The following TBC1D12 variants were observed in gnomAD, a reference collection of about 807,000 sequenced individuals.
TBC1D12 encodes the protein TBC1 domain family, member 12.
In TBC1D12, 56 loss-of-function variants were observed where a neutral mutation model predicts 86.7. That is an observed-to-expected ratio of 0.65 (90% CI 0.52 to 0.81). The LOEUF is 0.81. TBC1D12 is among the 30% of genes least tolerant of loss of function. TBC1D12 has a pLI of 0.00. For synonymous variants in TBC1D12, 421 were observed against 411.7 expected (o/e 1.02, Z -0.27); for missense variants, 1,023 against 1,038.8 (o/e 0.98, Z 0.21).
At chr10:94,508,683 CTTA>C (rs1467799543) in intron 7 of TBC1D12, 1 of 152,060 alleles carries the variant, frequency 6.6e-6, no homozygotes, top group East Asian at 1.9e-4. Flanking sequence ...ATCTTTTCCT[CTTA>C]TTTTCTTTTT....
intron 1 of TBC1D12, among the ~76,000 whole-genome samples, chr10:94,421,364 A>C: frequency 6.6e-6 from 1 of 152,210 alleles, no homozygotes; most frequent in East Asian, 1.9e-4. Context: ...AGAATTTCCT[A>C]ATTTAAAAAT....
intron 5 of TBC1D12, 23 bp from the exon 6 acceptor site, chr10:94,500,198 T>A (rs2056376559): frequency 6.2e-7 from 1 of 1,605,528 alleles, no homozygotes; most frequent in African/African-American, 1.3e-5. Flanking sequence ...ACTTTCTCCT[T>A]TTTTCTCCTC....
chr10:94,470,008 T>C (rs116205510), intron 2 of TBC1D12, among the ~76,000 whole-genome samples: 1,850 of 152,346 alleles, frequency 0.012, 42 homozygotes, highest in African/African-American at 0.042. Context: ...GGGAGTCTAC[T>C]CTATGTCTCT....
intron 7 of TBC1D12, chr10:94,508,599 A>G (rs754725124): frequency 3.9e-5 from 6 of 152,060 alleles, no homozygotes; most frequent in Non-Finnish European, 5.9e-5. Context: ...TAATTGTAGA[A>G]TGTTCACTTG....
intron 6 of TBC1D12, among the ~76,000 whole-genome samples, chr10:94,502,949 T>A (rs1213531410): frequency 2.0e-5 from 3 of 152,230 alleles, no homozygotes; most frequent in Non-Finnish European, 4.4e-5. Context: ...GTGTATATTC[T>A]TTCTGGTCTT....
chr10:94,407,485 C>T (rs1408322904), intron 1 of TBC1D12, among the ~76,000 whole-genome samples: 1 of 152,196 alleles, frequency 6.6e-6, no homozygotes, highest in Non-Finnish European at 1.5e-5. Flanking sequence ...AGTTCGAGAC[C>T]AGCCTGGCCA....
chr10:94,415,638 G>T (rs2054989862), intron 1 of TBC1D12, among the ~76,000 whole-genome samples: 1 of 152,152 alleles, frequency 6.6e-6, no homozygotes, highest in Non-Finnish European at 1.5e-5. Context: ...GGAGGCTGAG[G>T]CAGGAGAATG....
chr10:94,474,585 A>G, intron 2 of TBC1D12, 83 bp from the exon 3 acceptor site: 2 of 957,960 alleles, frequency 2.1e-6, no homozygotes, highest in South Asian at 1.5e-5. Context: ...TCATTATAGC[A>G]TAATATTTTT....
chr10:94,410,616 T>C (rs1292641391), intron 1 of TBC1D12, among the ~76,000 whole-genome samples: 1 of 152,176 alleles, frequency 6.6e-6, no homozygotes, highest in Non-Finnish European at 1.5e-5. Flanking sequence ...TATTTTACAG[T>C]TATTTGTCCA....
intron 3 of TBC1D12, among the ~76,000 whole-genome samples, chr10:94,490,212 G>A (rs754106610): frequency 6.6e-6 from 1 of 151,754 alleles, no homozygotes; most frequent in Non-Finnish European, 1.5e-5. Context: ...CCAAGATTGC[G>A]CCTTTGCACT....
In TBC1D12 at chr10:94,403,320, G is replaced by C; in HGVS notation, c.707G>C (p.Arg236Pro). Residue 236 changes from arginine (R) to proline (P), a missense_variant, in exon 1 of 13, where the codon CGG becomes CCG. Around this residue, in one of 2 missense-constraint regions of TBC1D12, gnomAD observed 628 missense variants for 531.1 expected, o/e 1.18. Transcript: ENST00000225235. ...SCSSSEDSEQ[R>P]GVGAGGPEEG... Reference sequence around the variant, plus strand: ...AGCAGTAGCGAGGACTCAGAGCAGCGGGGAGTCGGCGCCGGGGGTCCCGAG... The same window carrying C: ...AGCAGTAGCGAGGACTCAGAGCAGCCGGGAGTCGGCGCCGGGGGTCCCGAG... 6.6e-7 allele frequency: 1 copy of C among 1,521,818 alleles called. No homozygotes were observed. The highest frequency in any genetic ancestry group is 8.8e-7 in the Non-Finnish European group (1 of 1,135,444). 94.3% of individuals were successfully genotyped at this position (1,521,818 alleles called of 1,614,324 possible). A position where few individuals can be genotyped will look rare whatever the true frequency, so the allele number is the denominator to read the frequency against.
intron 9 of TBC1D12, among the ~76,000 whole-genome samples, chr10:94,512,749 A>G (rs2056541508): frequency 1.3e-5 from 2 of 152,188 alleles, no homozygotes; most frequent in Non-Finnish European, 2.9e-5. Context: ...AAAGATCGTA[A>G]GATAGTCCTT....
rs1392657100 is a variant in TBC1D12 at position 94,484,282 on chromosome 10, T to C, written c.1212-9083T>C. On this transcript the variant is annotated intron_variant, in intron 3 of 12. Transcript: ENST00000225235. Reference sequence around the variant, plus strand: ...TTTTTTTGAGGTGGAGTTTCGCTCTTGTTGCTCAGGCTGGAATGCAGTGGC... The same window carrying C: ...TTTTTTTGAGGTGGAGTTTCGCTCTCGTTGCTCAGGCTGGAATGCAGTGGC... 2.6e-5 allele frequency among the ~76,000 whole-genome samples: 4 copies of C among 151,732 alleles called. No homozygotes were observed. In the East Asian group the frequency reaches 5.8e-4, roughly 22 times the overall value.
At chr10:94,426,442 G>A (rs1445272948) in intron 1 of TBC1D12, among the ~76,000 whole-genome samples, 1 of 152,020 alleles carries the variant, frequency 6.6e-6, no homozygotes, top group Non-Finnish European at 1.5e-5. Flanking sequence ...AATTGTGTGG[G>A]TTTTTCTCAT....
intron 1 of TBC1D12, among the ~76,000 whole-genome samples, chr10:94,434,826 G>C (rs1400433267): frequency 6.6e-6 from 1 of 152,186 alleles, no homozygotes; most frequent in Non-Finnish European, 1.5e-5. Context: ...AGGACTGTTT[G>C]AGCCTGAGAG....
At chr10:94,448,663 G>A (rs530957719) in intron 2 of TBC1D12, among the ~76,000 whole-genome samples, 1 of 152,002 alleles carries the variant, frequency 6.6e-6, no homozygotes, top group South Asian at 2.1e-4. Flanking sequence ...ATTTTTAGTA[G>A]AGACAGGGTC....
chr10:94,498,695 A>T (rs1346242980), intron 5 of TBC1D12, among the ~76,000 whole-genome samples: 1 of 151,872 alleles, frequency 6.6e-6, no homozygotes, highest in African/African-American at 2.4e-5. Context: ...GCCTCAAGTG[A>T]TCAGCCTGCC....
intron 2 of TBC1D12, among the ~76,000 whole-genome samples, chr10:94,445,060 T>C (rs895570834): frequency 7.0e-6 from 1 of 143,264 alleles, no homozygotes; most frequent in African/African-American, 2.5e-5. Context: ...ATATATGTGG[T>C]ATAAAAACTT....
chr10:94,498,013 G>T (rs573809627), intron 5 of TBC1D12, among the ~76,000 whole-genome samples: 3 of 151,796 alleles, frequency 2.0e-5, no homozygotes. Flanking sequence ...TAGTAGAGAC[G>T]GGGTTTCACC....
Sources: gnomAD v4.1 joint callset for allele counts (sites outside exome capture counted in the v4.1 genomes callset) on GRCh38, gnomAD v4.1.1 for gene constraint, gnomAD v4.1.1 regional missense constraint, MANE v1.5 for transcripts, NCBI Gene and HGNC (gene_info 2026-07-23, HGNC 2026-07-21) for gene names.